The following NRAP variants were observed in gnomAD, a reference collection of about 807,000 sequenced individuals.
NRAP encodes nebulin-related-anchoring protein.
Under a neutral mutation model 225.9 loss-of-function variants are expected in NRAP, and 189 were observed. The observed-to-expected ratio is 0.84, with a 90% CI of 0.74 to 0.94. The LOEUF (loss-of-function observed/expected upper bound fraction) is 0.94, where lower values mean the gene tolerates loss of function less well. Ranked by LOEUF, NRAP falls within the 40% of genes least tolerant of loss-of-function variation. The pLI, the probability that NRAP is intolerant of heterozygous loss-of-function variation, is 0.00. For missense variants in NRAP, 2,176 were observed against 2,168.7 expected (o/e 1.00, Z -0.07); for synonymous variants, 769 against 790.7 (o/e 0.97, Z 0.46).
At chr10:113,616,318 G>A (rs1365475615) in intron 26 of NRAP, among the ~76,000 whole-genome samples, 2 of 152,066 alleles carry the variant, frequency 1.3e-5, no homozygotes, top group South Asian at 2.1e-4. Context: ...CCCAAGCTTC[G>A]GATACCCTGA....
At chr10:113,647,050 C>A (rs759803069) in intron 9 of NRAP, 23 bp from the exon 10 acceptor site, 2 of 1,475,242 alleles carry the variant, frequency 1.4e-6, no homozygotes, top group Non-Finnish European at 1.9e-6. Flanking sequence ...TCAAAAACTT[C>A]AGTGAGTAAT....
intron 26 of NRAP, 77 bp downstream of exon 26, chr10:113,617,378 G>A: frequency 1.1e-6 from 1 of 920,568 alleles, no homozygotes; most frequent in Non-Finnish European, 1.8e-6. Flanking sequence ...GCAAACCCAA[G>A]AACCCCTCCG....
chr10:113,602,143 G>T (rs551447808), intron 35 of NRAP, among the ~76,000 whole-genome samples: 1 of 152,326 alleles, frequency 6.6e-6, no homozygotes, highest in East Asian at 1.9e-4. Context: ...CTCCCAAAGT[G>T]CTGGAATTAC....
At chr10:113,657,676 A>C (rs950014245) in intron 3 of NRAP, 102 bp from the exon 4 acceptor site, 1 of 720,308 alleles carries the variant, frequency 1.4e-6, no homozygotes, top group African/African-American at 1.8e-5. Context: ...CTAAGTCTCA[A>C]CTGCAAAGCA....
chr10:113,608,941 CT>C (rs1199875597), intron 31 of NRAP, among the ~76,000 whole-genome samples: 14 of 152,226 alleles, frequency 9.2e-5, no homozygotes, highest in Non-Finnish European at 1.8e-4. Context: ...GTGGGATCCC[CT>C]AAGGTCAGGA....
At position 113,604,659 on chromosome 10, in the gene NRAP, C is replaced by T. The variant is rs769602714; in HGVS notation, c.4177G>A (p.Glu1393Lys). The change falls in exon 35 of 42, where the codon GAG becomes AAG. Residue 1393 changes from glutamate (E) to lysine (K), a missense_variant. Physicochemically the swap from Glu to Lys is moderately conservative, Grantham distance 56. Coordinates refer to ENST00000359988, the MANE Select transcript of NRAP (RefSeq NM_198060.4). ...TQYHKFTALP[E>K]DLKMAWAKKA... ...TTGGCCCAGGCCATCTTCAGGTCCT[C>T]GGGCAGTGCTGTGAACTTGTGATAC... 2.5e-5 allele frequency: 41 copies of T among 1,614,068 alleles called. No homozygotes were observed. The highest frequency in any genetic ancestry group is 5.5e-5 in the South Asian group (5 of 91,090).
intron 27 of NRAP, among the ~76,000 whole-genome samples, chr10:113,615,271 G>C (rs562601716): frequency 5.9e-5 from 9 of 152,180 alleles, no homozygotes; most frequent in Non-Finnish European, 1.2e-4. Context: ...CATATGCATA[G>C]TGCTTTATGT....
intron 20 of NRAP, among the ~76,000 whole-genome samples, chr10:113,626,775 C>T (rs182394899): frequency 2.0e-5 from 3 of 152,312 alleles, no homozygotes; most frequent in East Asian, 1.9e-4. Context: ...AGGTGAGATT[C>T]GCCTTCACAG....
chr10:113,659,353 T>C (rs903076712), intron 3 of NRAP, among the ~76,000 whole-genome samples: 1 of 152,154 alleles, frequency 6.6e-6, no homozygotes, highest in African/African-American at 2.4e-5. Flanking sequence ...AATCAATATG[T>C]CCCAGACATT....
intron 16 of NRAP, 112 bp from the exon 17 acceptor site, chr10:113,632,076 C>A: frequency 2.9e-6 from 2 of 698,478 alleles, no homozygotes; most frequent in East Asian, 2.5e-5. Context: ...ACCAGAGGCT[C>A]GGCTGTTGTT....
At chr10:113,623,884 G>A (rs1848139265) in intron 22 of NRAP, among the ~76,000 whole-genome samples, 1 of 152,110 alleles carries the variant, frequency 6.6e-6, no homozygotes, top group Admixed American at 6.6e-5. Context: ...ACAAATACTA[G>A]GAGTTTTCGT....
At chr10:113,632,001 C>T (rs371024384) in intron 16 of NRAP, 37 bp from the exon 17 acceptor site, 105 of 1,275,026 alleles carry the variant, frequency 8.2e-5, no homozygotes, top group Admixed American at 7.4e-4. Flanking sequence ...GGAGTTGCTA[C>T]CCATATTCCT....
intron 3 of NRAP, among the ~76,000 whole-genome samples, chr10:113,658,881 CAA>C (rs57340533): frequency 0.013 from 1,003 of 78,086 alleles, 11 homozygotes; most frequent in African/African-American, 0.034. Context: ...GACCCTGTCT[CAA>C]AAAAAAAAAA....
intron 35 of NRAP, among the ~76,000 whole-genome samples, chr10:113,602,901 TTTG>T (rs1189255390): frequency 2.6e-4 from 40 of 152,302 alleles, no homozygotes; most frequent in African/African-American, 9.4e-4. Context: ...TTTAGGGGCA[TTTG>T]TTGTCACACT....
intron 9 of NRAP, among the ~76,000 whole-genome samples, chr10:113,648,006 G>A (rs10885483): frequency 0.33 from 49,785 of 152,054 alleles, 8,837 homozygotes; most frequent in African/African-American, 0.48. Flanking sequence ...GTCTCCTCGT[G>A]GAAGTCCCTG....
At chr10:113,598,129 A>T in intron 35 of NRAP, 56 bp from the exon 36 acceptor site, 5 of 1,021,800 alleles carry the variant, frequency 4.9e-6, no homozygotes, top group Non-Finnish European at 7.8e-6. Flanking sequence ...CTAGTACAGC[A>T]TTTCAAGAAG....
At chr10:113,603,211 G>C (rs1026905534) in intron 35 of NRAP, among the ~76,000 whole-genome samples, 6 of 152,280 alleles carry the variant, frequency 3.9e-5, no homozygotes, top group African/African-American at 7.2e-5. Context: ...CCTGCGGCTT[G>C]GAGAGGACAT....
chr10:113,634,668 T>C (rs1840287703), intron 14 of NRAP, among the ~76,000 whole-genome samples: 1 of 152,190 alleles, frequency 6.6e-6, no homozygotes, highest in Admixed American at 6.5e-5. Context: ...CATACACATA[T>C]CCTGTGTCCC....
chr10:113,611,708 C>T (rs1488984397), intron 30 of NRAP, among the ~76,000 whole-genome samples: 1 of 152,184 alleles, frequency 6.6e-6, no homozygotes, highest in African/African-American at 2.4e-5. Flanking sequence ...CAGCCTCTCC[C>T]AACAGATCTT....
Sources: gnomAD v4.1 joint callset for allele counts (sites outside exome capture counted in the v4.1 genomes callset) on GRCh38, gnomAD v4.1.1 for gene constraint, MANE v1.5 for transcripts, NCBI Gene and HGNC (gene_info 2026-07-23, HGNC 2026-07-21) for gene names.